The following CCR5AS variants were observed in gnomAD, a reference collection of about 807,000 sequenced individuals.
CCR5AS encodes CCR5 antisense RNA.
At chr3:46,399,000 T>C (rs1019300314) in intron 1 of CCR5AS, among the ~76,000 whole-genome samples, 8 of 152,228 alleles carry the variant, frequency 5.3e-5, no homozygotes, top group Non-Finnish European at 1.0e-4. Flanking sequence ...TTAAAACTAG[T>C]TTTTGGTCAT....
chr3:46,402,639 T>C (rs1702013648), intron 1 of CCR5AS, among the ~76,000 whole-genome samples: 1 of 152,222 alleles, frequency 6.6e-6, no homozygotes, highest in Non-Finnish European at 1.5e-5. Context: ...GAAGCCATAG[T>C]AAGGGACAGA....
At chr3:46,399,139 A>G (rs920615135) in intron 1 of CCR5AS, among the ~76,000 whole-genome samples, 1 of 152,292 alleles carries the variant, frequency 6.6e-6, no homozygotes. Flanking sequence ...CAGGTGTCAA[A>G]AAATCTTAAG....
At chr3:46,394,938 G>A (rs556139986) in intron 1 of CCR5AS, among the ~76,000 whole-genome samples, 1 of 152,216 alleles carries the variant, frequency 6.6e-6, no homozygotes, top group East Asian at 1.9e-4. Context: ...TCAAGATAGG[G>A]AGTAGATTCC....
At chr3:46,372,690 C>T in intron 2 of CCR5AS, 1 of 447,644 alleles carries the variant, frequency 2.2e-6, no homozygotes, top group South Asian at 3.6e-5. Context: ...GCCAAGCTCT[C>T]CATCTAGTGG....
intron 2 of CCR5AS, among the ~76,000 whole-genome samples, chr3:46,382,802 A>G (rs1301970368): frequency 6.6e-6 from 1 of 152,224 alleles, no homozygotes; most frequent in Non-Finnish European, 1.5e-5. Flanking sequence ...AATAATAAAT[A>G]TTAATATAAT....
chr3:46,377,190 T>C (rs992183769), intron 2 of CCR5AS, among the ~76,000 whole-genome samples: 4 of 152,340 alleles, frequency 2.6e-5, no homozygotes, highest in South Asian at 2.1e-4. Context: ...TTATTAAATG[T>C]CTTCCAACGT....
intron 1 of CCR5AS, among the ~76,000 whole-genome samples, chr3:46,396,387 C>T (rs1701962234): frequency 6.6e-6 from 1 of 152,124 alleles, no homozygotes; most frequent in African/African-American, 2.4e-5. Flanking sequence ...CATGTGGGTT[C>T]CACGGTCTTG....
chr3:46,395,162 G>T (rs1462545173), intron 1 of CCR5AS, among the ~76,000 whole-genome samples: 1 of 152,168 alleles, frequency 6.6e-6, no homozygotes, highest in African/African-American at 2.4e-5. Flanking sequence ...GGAGGCATAT[G>T]ATCAAGGCTT....
At chr3:46,381,538 C>A (rs928411742) in intron 2 of CCR5AS, among the ~76,000 whole-genome samples, 1 of 152,152 alleles carries the variant, frequency 6.6e-6, no homozygotes, top group Non-Finnish European at 1.5e-5. Flanking sequence ...TGAGTCAAGA[C>A]AATTCCTCCT....
chr3:46,396,865 G>A (rs933002243), intron 1 of CCR5AS, among the ~76,000 whole-genome samples: 3 of 152,162 alleles, frequency 2.0e-5, no homozygotes, highest in Non-Finnish European at 4.4e-5. Context: ...GAGAGCCTGA[G>A]CCCTGGATTC....
intron 2 of CCR5AS, among the ~76,000 whole-genome samples, chr3:46,383,509 A>T (rs1015176383): frequency 6.6e-6 from 1 of 152,200 alleles, no homozygotes; most frequent in Admixed American, 6.5e-5. Context: ...ACAGGAAACA[A>T]GTAGGATTTC....
intron 2 of CCR5AS, chr3:46,375,433 G>A (rs896121800): frequency 6.0e-6 from 1 of 167,020 alleles, no homozygotes; most frequent in Non-Finnish European, 1.5e-5. Flanking sequence ...TACTCATTCA[G>A]GGATAGCACT....
intron 1 of CCR5AS, among the ~76,000 whole-genome samples, chr3:46,403,867 G>A (rs1454776167): frequency 6.6e-6 from 1 of 152,136 alleles, no homozygotes; most frequent in South Asian, 2.1e-4. Context: ...GCACTGCAGG[G>A]TCTCCACCCA....
chr3:46,364,634 C>CTATATATATA (rs3054358), exon 4 of CCR5AS, among the ~76,000 whole-genome samples: 1 of 149,418 alleles, frequency 6.7e-6, no homozygotes, highest in South Asian at 2.1e-4. Context: ...TAAGAAATAG[C>CTATATATATA]TATATATATA....
intron 3 of CCR5AS, among the ~76,000 whole-genome samples, chr3:46,368,629 T>A (rs575442993): frequency 4.6e-5 from 7 of 152,192 alleles, no homozygotes; most frequent in Non-Finnish European, 8.8e-5. Flanking sequence ...CAAACTAACT[T>A]GGCCATAGAA....
chr3:46,366,947 G>A (rs1436838065), intron 3 of CCR5AS, among the ~76,000 whole-genome samples: 1 of 152,140 alleles, frequency 6.6e-6, no homozygotes, highest in Non-Finnish European at 1.5e-5. Flanking sequence ...GTGTGACACT[G>A]CTCACATGAC....
chr3:46,376,635 A>G (rs1320047721), intron 2 of CCR5AS, among the ~76,000 whole-genome samples: 1 of 152,228 alleles, frequency 6.6e-6, no homozygotes, highest in Non-Finnish European at 1.5e-5. Flanking sequence ...TTGTAGGCAC[A>G]TCATATGTGA....
chr3:46,405,905 G>C (rs1490660430), intron 1 of CCR5AS, among the ~76,000 whole-genome samples: 1 of 141,752 alleles, frequency 7.1e-6, no homozygotes, highest in Non-Finnish European at 1.5e-5. Context: ...ACAGTGTCTC[G>C]CTCTGCCACC....
chr3:46,386,703 T>C (rs1307857431), intron 2 of CCR5AS, among the ~76,000 whole-genome samples: 2 of 152,200 alleles, frequency 1.3e-5, no homozygotes, highest in Non-Finnish European at 2.9e-5. Context: ...TTGAGAAAAC[T>C]GGAGAAATTT....
Sources: allele counts gnomAD v4.1 joint callset (sites outside exome capture counted in the v4.1 genomes callset), GRCh38; gene constraint gnomAD v4.1.1; transcripts MANE v1.5; gene names NCBI Gene and HGNC (gene_info 2026-07-23, HGNC 2026-07-21).